The following ARHGAP20 variants were observed in gnomAD, a reference collection of about 807,000 sequenced individuals.
ARHGAP20 encodes the protein rho GTPase-activating protein 20.
In ARHGAP20, 34 loss-of-function variants were observed where a neutral mutation model predicts 73.7. That is an observed-to-expected ratio of 0.46 (90% CI 0.35 to 0.61). The LOEUF is 0.61. ARHGAP20 is among the 20% of genes least tolerant of loss of function. ARHGAP20 has a pLI of 0.00. For synonymous variants in ARHGAP20, 523 were observed against 518.2 expected (o/e 1.01, Z -0.13); for missense variants, 1,314 against 1,420.9 (o/e 0.92, Z 1.21).
chr11:110,650,515 C>G (rs901622487), intron 2 of ARHGAP20, among the ~76,000 whole-genome samples: 1 of 152,116 alleles, frequency 6.6e-6, no homozygotes, highest in Non-Finnish European at 1.5e-5. Flanking sequence ...AAGTAACTAA[C>G]TCTCTTGAGT....
Position 110,630,600 on chromosome 11 carries a change from G to A in ARHGAP20, c.353+28C>T, listed in dbSNP as rs776477619. 5.7e-6 allele frequency: 9 copies of A among 1,591,894 alleles called. No individual in the cohort carries two copies. In the South Asian group the frequency reaches 9.1e-5, roughly 16 times the overall value. ...GTTAGTAAAAGTGCAATTTTATAATGATAATCAGGAGTATATAGTATACAT... is the reference window on the plus strand; with the variant it reads ...GTTAGTAAAAGTGCAATTTTATAATAATAATCAGGAGTATATAGTATACAT... On this transcript the variant is annotated intron_variant, in intron 3 of 14. Transcript: ENST00000683387.
intron 9 of ARHGAP20, 73 bp downstream of exon 9, chr11:110,606,488 C>T (rs326938): frequency 1.5e-5 from 21 of 1,438,530 alleles, no homozygotes; most frequent in South Asian, 3.9e-5. Flanking sequence ...CCTCATCTGG[C>T]GGGAGGTTTG....
At chr11:110,605,654 A>T (rs76960685) in intron 9 of ARHGAP20, among the ~76,000 whole-genome samples, 2 of 152,224 alleles carry the variant, frequency 1.3e-5, no homozygotes, top group African/African-American at 4.8e-5. Flanking sequence ...CATTAATGCT[A>T]TGTCAGTTGA....
chr11:110,698,940 C>A (rs1019863443), intron 1 of ARHGAP20, among the ~76,000 whole-genome samples: 1 of 151,528 alleles, frequency 6.6e-6, no homozygotes, highest in Non-Finnish European at 1.5e-5. Flanking sequence ...CTTGTTATTT[C>A]TTTTTTTGTG....
chr11:110,686,993 C>T (rs1950145213), intron 2 of ARHGAP20, among the ~76,000 whole-genome samples: 1 of 148,542 alleles, frequency 6.7e-6, no homozygotes, highest in African/African-American at 2.5e-5. Flanking sequence ...ACCCTAATTA[C>T]TGATCTAGAG....
intron 14 of ARHGAP20, 38 bp from the exon 15 acceptor site, chr11:110,581,263 T>C (rs770809117): frequency 3.2e-6 from 5 of 1,557,298 alleles, no homozygotes; most frequent in Admixed American, 3.7e-5. Context: ...CATATTTACT[T>C]ACCACAAATA....
At chr11:110,596,295 G>A (rs1168614903) in intron 9 of ARHGAP20, among the ~76,000 whole-genome samples, 1 of 150,754 alleles carries the variant, frequency 6.6e-6, no homozygotes, top group Non-Finnish European at 1.5e-5. Context: ...TTGACAAATG[G>A]GATCTAATTA....
chr11:110,685,743 T>C (rs1404116452), intron 2 of ARHGAP20, among the ~76,000 whole-genome samples: 1 of 152,164 alleles, frequency 6.6e-6, no homozygotes, highest in African/African-American at 2.4e-5. Context: ...GTAACAACTA[T>C]GGGACAATAG....
At position 110,705,014 on chromosome 11, in the gene ARHGAP20, T is replaced by G. The variant is rs540795323; in HGVS notation, c.105+7113A>C. Among the ~76,000 whole-genome samples the G allele has an allele frequency of 2.0e-5, 3 of 152,282 alleles. No individual in the cohort carries two copies. In the South Asian group the frequency reaches 6.2e-4, roughly 32 times the overall value. On this transcript the variant is annotated intron_variant, in intron 1 of 14. Coordinates refer to ENST00000683387, the MANE Select transcript of ARHGAP20 (RefSeq NM_001384657.1). Reference sequence around the variant, plus strand: ...TATAACTTTGATATTATATACCTATTTTTGTGACACTTTATAATGTATTTT... The same window carrying G: ...TATAACTTTGATATTATATACCTATGTTTGTGACACTTTATAATGTATTTT...
chr11:110,643,515 C>T (rs550276497), intron 2 of ARHGAP20, among the ~76,000 whole-genome samples: 2 of 152,140 alleles, frequency 1.3e-5, no homozygotes, highest in South Asian at 2.1e-4. Context: ...GCCTTAATTT[C>T]GTTGTTTAAC....
intron 3 of ARHGAP20, among the ~76,000 whole-genome samples, chr11:110,627,395 ATTCT>A (rs1948769205): frequency 6.6e-6 from 1 of 152,014 alleles, no homozygotes; most frequent in African/African-American, 2.4e-5. Context: ...GCCTGGCCAA[ATTCT>A]TTATTTTGAC....
rs942714610 is a variant in ARHGAP20, at chr11:110,585,005, ATATG to A, written c.1415+1207_1415+1210del. ...TGTGAAAATATATATGAATATATGAATATGTATGTGAACATATATGTGAATATAT... is the reference window on the plus strand; with the variant it reads ...TGTGAAAATATATATGAATATATGAATATGTGAACATATATGTGAATATAT... On this transcript the variant is annotated intron_variant, in intron 12 of 14. Coordinates refer to ENST00000683387, the MANE Select transcript of ARHGAP20 (RefSeq NM_001384657.1). Among the ~76,000 whole-genome samples the A allele has an allele frequency of 9.2e-4, 131 of 142,246 alleles. 1 individual carries two copies. Among genetic ancestry groups the A allele is most frequent in the African/African-American group, 3.1e-3 (123 of 40,066 alleles). 93.3% of individuals were successfully genotyped at this position (142,246 alleles called of 152,430 possible).
intron 2 of ARHGAP20, among the ~76,000 whole-genome samples, chr11:110,687,841 A>G (rs912100702): frequency 6.6e-6 from 1 of 152,204 alleles, no homozygotes; most frequent in Non-Finnish European, 1.5e-5. Flanking sequence ...AGATGCTTAC[A>G]ACTAGTTACA....
chr11:110,625,130 C>T (rs932666203), intron 3 of ARHGAP20, among the ~76,000 whole-genome samples: 4 of 149,942 alleles, frequency 2.7e-5, no homozygotes, highest in South Asian at 2.1e-4. Flanking sequence ...CTCCGCTTCC[C>T]GGGTTCACGC....
intron 6 of ARHGAP20, among the ~76,000 whole-genome samples, chr11:110,613,038 C>CA (rs1416137509): frequency 6.6e-6 from 1 of 152,178 alleles, no homozygotes; most frequent in Admixed American, 6.5e-5. Context: ...GAAACTCTCC[C>CA]ATGAAGTCTT....
chr11:110,692,549 C>G (rs978597968), intron 1 of ARHGAP20, among the ~76,000 whole-genome samples: 2 of 152,056 alleles, frequency 1.3e-5, no homozygotes, highest in Non-Finnish European at 2.9e-5. Context: ...CTTTCTCTAA[C>G]CTTCTGAAAT....
chr11:110,612,901 C>T (rs1948401232), intron 6 of ARHGAP20, among the ~76,000 whole-genome samples: 1 of 152,296 alleles, frequency 6.6e-6, no homozygotes. Flanking sequence ...TTGGAGCACT[C>T]AACCCAGTGT....
chr11:110,579,905 GCTGGGCGGCTGCAAGCCTGCC>G lies in ARHGAP20; in HGVS notation c.3020_3040del (p.Gly1007_Pro1013del). On this transcript the variant is annotated inframe_deletion, in exon 15 of 15. Coordinates refer to ENST00000683387, the MANE Select transcript of ARHGAP20 (RefSeq NM_001384657.1). ...CTCCATGGTGTCCTTCTTTGTATAGGCTGGGCGGCTGCAAGCCTGCCCTGATGAGGGACCGGGCATTCCGGA... is the reference window on the plus strand; with the variant it reads ...CTCCATGGTGTCCTTCTTTGTATAGGCTGATGAGGGACCGGGCATTCCGGA... 6.2e-7 allele frequency: 1 copy of G among 1,614,198 alleles called. No individual in the cohort carries two copies. Among genetic ancestry groups the G allele is most frequent in the South Asian group, 1.1e-5 (1 of 91,082 alleles).
chr11:110,616,971 T>C (rs1226709560), intron 4 of ARHGAP20, among the ~76,000 whole-genome samples: 1 of 152,170 alleles, frequency 6.6e-6, no homozygotes, highest in Non-Finnish European at 1.5e-5. Context: ...AGCTTACATG[T>C]ACAGCTTGAA....
Sources: allele counts gnomAD v4.1 joint callset (sites outside exome capture counted in the v4.1 genomes callset), GRCh38; gene constraint gnomAD v4.1.1; transcripts MANE v1.5; gene names NCBI Gene and HGNC (gene_info 2026-07-23, HGNC 2026-07-21).